Variants in TAP2 observed in about 807,000 individuals in gnomAD.
TAP2 encodes the protein antigen peptide transporter 2.
Under a neutral mutation model 74.7 loss-of-function variants are expected in TAP2, and 49 were observed. The observed-to-expected ratio is 0.66, with a 90% CI of 0.52 to 0.83. The LOEUF (loss-of-function observed/expected upper bound fraction) is 0.83, where lower values mean the gene tolerates loss of function less well. Among genes scored for constraint, TAP2 ranks in the 40% least tolerant of loss-of-function variants. TAP2 has a pLI of 0.00. For synonymous variants in TAP2, 306 were observed against 368.4 expected (o/e 0.83, Z 1.94); for missense variants, 739 against 859.0 (o/e 0.86, Z 1.75).
chr6:32,832,180 T>A lies in TAP2; in HGVS notation c.1272+153A>T. The A allele has an allele frequency of 9.8e-7, 1 of 1,023,540 alleles. No homozygotes were observed. The highest frequency in any genetic ancestry group is 1.4e-6 in the Non-Finnish European group (1 of 690,790). The allele number at this position is 1,023,540 out of a possible 1,614,324, so 63.4% of individuals were successfully genotyped here. On this transcript the variant is annotated intron_variant, in intron 7 of 11. Transcript: ENST00000374897. The surrounding 1 kb of genome is among the most constrained non-coding windows in gnomAD (Gnocchi z 5.9). ...GTTTGTAATATTATTTTGTCTCATT[T>A]TTGGCATATGTTTAAAATTCTCCAT...
At position 32,826,899 on chromosome 6, in the gene TAP2, T is replaced by C. The variant is rs2857101; in HGVS notation, c.*2007A>G. ...ATGTAGTTGGGAGATACAGGAATTA[T>C]TATTCCTGTTTTATGAATAAAGGAC... is the stretch of plus-strand genomic sequence containing the variant. On this transcript the variant is annotated 3_prime_UTR_variant, in exon 12 of 12. Transcript: ENST00000374897. 243,760 of 985,176 alleles carry C rather than the reference T, an allele frequency of 0.25. 31,362 individuals are homozygous for C. Among genetic ancestry groups the C allele is most frequent in the South Asian group, 0.4 (8,605 of 21,280 alleles). The allele number at this position is 985,176 out of a possible 1,614,324, so 61.0% of individuals were successfully genotyped here.
At chr6:32,831,614 G>C in intron 7 of TAP2, among the ~76,000 whole-genome samples, 1 of 152,206 alleles carries the variant, frequency 6.6e-6, no homozygotes, top group South Asian at 2.1e-4. Flanking sequence ...AGAGGCAGAA[G>C]AGCATATAAT....
chr6:32,832,528 G>A lies in TAP2; in HGVS notation c.1144-67C>T, dbSNP rs541410344. Reference sequence around the variant, plus strand: ...ATTCTTTCCCCCTCTCTGCCTCTATGAGACTGAGCTGCAAAGGCCTCTAGA... The same window carrying A: ...ATTCTTTCCCCCTCTCTGCCTCTATAAGACTGAGCTGCAAAGGCCTCTAGA... On this transcript the variant is annotated intron_variant, in intron 6 of 11. Coordinates refer to ENST00000374897, the MANE Select transcript of TAP2 (RefSeq NM_001290043.2). This position sits in a 1 kb window ranked among gnomAD's most constrained non-coding sequence, Gnocchi z 5.9. 27 of 1,611,412 alleles carry A rather than the reference G, an allele frequency of 1.7e-5. No individual in the cohort carries two copies. The Admixed American group carries it at 2.9e-4, about 17-fold the overall frequency.
downstream of TAP2, among the ~76,000 whole-genome samples, chr6:32,823,399 CATT>C (rs1768431242): frequency 7.0e-6 from 1 of 142,296 alleles, no homozygotes; most frequent in African/African-American, 2.7e-5. Flanking sequence ...TTATACTTTA[CATT>C]ATAAAGTGCC....
In TAP2 at chr6:32,838,707, C is replaced by T. The variant is rs1332982868; in HGVS notation, c.-59G>A. On this transcript the variant is annotated 5_prime_UTR_variant, in exon 1 of 12. Coordinates refer to ENST00000374897, the MANE Select transcript of TAP2 (RefSeq NM_001290043.2). Reference sequence around the variant, plus strand: ...GGACTTCTGCTTCAGCGCTGAGGTCCGCTCCGTCTCTCCCAACCTCGCTAC... The same window carrying T: ...GGACTTCTGCTTCAGCGCTGAGGTCTGCTCCGTCTCTCCCAACCTCGCTAC... 2 of 158,576 alleles carry T rather than the reference C, an allele frequency of 1.3e-5. No individual in the cohort carries two copies. The highest frequency in any genetic ancestry group is 4.0e-4 in the South Asian group (2 of 4,968). 9.8% of individuals were successfully genotyped at this position (158,576 alleles called of 1,614,324 possible).
Position 32,826,979 on chromosome 6 carries a change from T to A in TAP2, c.*1927A>T. 1.0e-6 allele frequency: 1 copy of A among 985,390 alleles called. No individual in the cohort carries two copies. Among genetic ancestry groups the A allele is most frequent in the Non-Finnish European group, 1.2e-6 (1 of 829,924 alleles). 61.0% of individuals were successfully genotyped at this position (985,390 alleles called of 1,614,324 possible). ...AGTTCTTTCTCTCCAAATGCCTATT[T>A]TACCCTCTGTGAAATTTGAGAGATG... On this transcript the variant is annotated 3_prime_UTR_variant, in exon 12 of 12. Transcript: ENST00000374897.
Position 32,835,388 on chromosome 6 carries a change from A to T in TAP2, c.740-29T>A. 6.2e-7 allele frequency: 1 copy of T among 1,611,904 alleles called. No homozygotes were observed. The stretch of plus-strand genomic sequence containing the variant: ...AGAAGGACAGAGCAGGTGAGGAAAA[A>T]GGAAACCATGTGTACTGCAGGGCCC... On this transcript the variant is annotated intron_variant, in intron 4 of 11. Transcript: ENST00000374897. The surrounding 1 kb of genome is among the most constrained non-coding windows in gnomAD (Gnocchi z 4.0).
rs73738924 is a variant in TAP2, at chr6:32,826,809, A to G, written c.*2097T>C. The stretch of plus-strand genomic sequence containing the variant: ...GCTTAAAGTATTATGATGCATGGGT[A>G]TAACTGTACTGAGGAAATCAAAGAA... On this transcript the variant is annotated 3_prime_UTR_variant, in exon 12 of 12. Coordinates refer to ENST00000374897, the MANE Select transcript of TAP2 (RefSeq NM_001290043.2). 10,188 of 985,412 alleles carry G rather than the reference A, an allele frequency of 0.01. 466 individuals are homozygous for G. The African/African-American group carries it at 0.13, about 12-fold the overall frequency. The allele number at this position is 985,412 out of a possible 1,614,324, so 61.0% of individuals were successfully genotyped here. A position where few individuals can be genotyped will look rare whatever the true frequency, so the allele number is the denominator to read the frequency against.
intron 8 of TAP2, 26 bp from the exon 9 acceptor site, chr6:32,830,466 G>A (rs241435): frequency 0.026 from 41,531 of 1,603,922 alleles, 653 homozygotes; most frequent in African/African-American, 0.031. Flanking sequence ...AAGAGTTAAG[G>A]GCCTGCCCCT....
rs919941656 is a variant in TAP2 at position 32,832,220 on chromosome 6, C to T, written c.1272+113G>A. The T allele has an allele frequency of 7.5e-6, 11 of 1,465,800 alleles. No individual in the cohort carries two copies. The highest frequency in any genetic ancestry group is 1.9e-4 in the Middle Eastern group (1 of 5,142). The allele number at this position is 1,465,800 out of a possible 1,614,324, so 90.8% of individuals were successfully genotyped here. ...AAATTCTCCATAGCAAAATTACTTG[C>T]GGGTTTTGGTTTTGTATTGTATTGT... On this transcript the variant is annotated intron_variant, in intron 7 of 11. Coordinates refer to ENST00000374897, the MANE Select transcript of TAP2 (RefSeq NM_001290043.2). This position sits in a 1 kb window ranked among gnomAD's most constrained non-coding sequence, Gnocchi z 5.9.
At position 32,829,944 on chromosome 6, in the gene TAP2, T is replaced by C. The variant is rs371245242; in HGVS notation, c.1781A>G (p.His594Arg). 22 of 1,613,012 alleles carry C rather than the reference T, an allele frequency of 1.4e-5. No individual in the cohort carries two copies. The South Asian group carries it at 1.8e-4, about 13-fold the overall frequency. ...HADDFIQEME[H>R]GIYTDVGEKG... ...GTAGAAGATACCTGTGTATATTCCA[T>C]GCTCCATTTCCTGGATGAAGTCATC... The change falls in exon 10 of 12, where the codon CAT becomes CGT. Residue 594 changes from histidine (H) to arginine (R), a missense_variant. His to Arg is a conservative substitution (Grantham distance 29). Transcript: ENST00000374897.
Position 32,828,808 on chromosome 6 carries a change from G to T in TAP2, c.*98C>A. 1 of 1,462,402 alleles carries T rather than the reference G, an allele frequency of 6.8e-7. No homozygotes were observed. 90.6% of individuals were successfully genotyped at this position (1,462,402 alleles called of 1,614,324 possible). A position where few individuals can be genotyped will look rare whatever the true frequency, so the allele number is the denominator to read the frequency against. On this transcript the variant is annotated 3_prime_UTR_variant, in exon 12 of 12. Transcript: ENST00000374897. The stretch of plus-strand genomic sequence containing the variant: ...GGAAACTCAAAGCAGGAACAGCTCT[G>T]GGTCCTGGAGACGCCCCTGAGAAGA...
At chr6:32,822,155 A>G, downstream of TAP2, 2 of 731,078 alleles carry the variant, frequency 2.7e-6, no homozygotes, top group South Asian at 3.3e-5. Context: ...ATTGTTTTAC[A>G]TGTACTATTT....
At chr6:32,824,563 T>G (rs189701134), downstream of TAP2, among the ~76,000 whole-genome samples, 2 of 152,274 alleles carry the variant, frequency 1.3e-5, no homozygotes, top group Admixed American at 1.3e-4. Context: ...TTACAATATA[T>G]GGTGCTCTGT....
In TAP2 at chr6:32,828,675, G is replaced by GCCTCCACCCCCCCCCCCCCCCCCC; in HGVS notation, c.*230_*231insGGGGGGGGGGGGGGGGGGTGGAGG. 3.4e-6 allele frequency: 3 copies of GCCTCCACCCCCCCCCCCCCCCCCC among 884,274 alleles called. No homozygotes were observed. Among genetic ancestry groups the GCCTCCACCCCCCCCCCCCCCCCCC allele is most frequent in the Non-Finnish European group, 4.1e-6 (3 of 735,234 alleles). 54.8% of individuals were successfully genotyped at this position (884,274 alleles called of 1,614,324 possible). A position where few individuals can be genotyped will look rare whatever the true frequency, so the allele number is the denominator to read the frequency against. On this transcript the variant is annotated 3_prime_UTR_variant, in exon 12 of 12. Coordinates refer to ENST00000374897, the MANE Select transcript of TAP2 (RefSeq NM_001290043.2). Reference sequence around the variant, plus strand: ...GAATTAAGTTTCCTGGACACAGACAGCCCCCACCCCACCCCACCCCACCTC... The same window carrying GCCTCCACCCCCCCCCCCCCCCCCC: ...GAATTAAGTTTCCTGGACACAGACAGCCTCCACCCCCCCCCCCCCCCCCCCCCCCACCCCACCCCACCCCACCTC...
chr6:32,830,829 C>T, intron 7 of TAP2, 23 bp from the exon 8 acceptor site: 1 of 1,590,898 alleles, frequency 6.3e-7, no homozygotes. Context: ...AATGGGAGAG[C>T]CGGCTAATTA....
rs10484565 is a variant in TAP2 at position 32,827,255 on chromosome 6, G to A, written c.*1651C>T. The A allele has an allele frequency of 0.071, 70,411 of 985,320 alleles. 2,735 individuals are homozygous for A. The highest frequency in any genetic ancestry group is 0.081 in the East Asian group (718 of 8,822). The allele number at this position is 985,320 out of a possible 1,614,324, so 61.0% of individuals were successfully genotyped here. On this transcript the variant is annotated 3_prime_UTR_variant, in exon 12 of 12. Transcript: ENST00000374897. ...TAAGTCCCTCCCAACAACCAGTGAT[G>A]TGTACAATGTTGCATTTTCAGTGGT...
chr6:32,830,048 A>G lies in TAP2; in HGVS notation c.1677T>C (p.Ser559=). Residue 559 remains serine (S), a synonymous_variant, in exon 10 of 12, where the codon TCT becomes TCC. Coordinates refer to ENST00000374897, the MANE Select transcript of TAP2 (RefSeq NM_001290043.2). ...GCCCATAAGCAATGTTGTTCCTCAC[A>G]GAACCGGAGAACAGCACAGGCTCCT... ...VGQEPVLFSG[S]VRNNIAYGLQ... 1 of 1,613,118 alleles carries G rather than the reference A, an allele frequency of 6.2e-7. No individual in the cohort carries two copies. The highest frequency in any genetic ancestry group is 8.5e-7 in the Non-Finnish European group (1 of 1,180,030).
rs1268756198 is a variant in TAP2, at chr6:32,832,339, A to G, written c.1266T>C (p.Tyr422=). 1.9e-6 allele frequency: 3 copies of G among 1,613,036 alleles called. No individual in the cohort carries two copies. Among genetic ancestry groups the G allele is most frequent in the South Asian group, 1.1e-5 (1 of 91,072 alleles). ...FMIYQESVGS[Y]VQTLVYIYGD... ...GGCTTGGCTTCTCGCTCACCTGCACATAGCTCCCCACGCTCTCCTGGTAGA... is the reference window on the plus strand; with the variant it reads ...GGCTTGGCTTCTCGCTCACCTGCACGTAGCTCCCCACGCTCTCCTGGTAGA... Residue 422 remains tyrosine (Y), a synonymous_variant, in exon 7 of 12, where the codon TAT becomes TAC. Transcript: ENST00000374897. This position sits in a 1 kb window ranked among gnomAD's most constrained non-coding sequence, Gnocchi z 5.9.
Sources: allele counts gnomAD v4.1 joint callset (sites outside exome capture counted in the v4.1 genomes callset), GRCh38; gene constraint gnomAD v4.1.1; non-coding constraint Gnocchi (gnomAD v3.1); transcripts MANE v1.5; gene names NCBI Gene and HGNC (gene_info 2026-07-23, HGNC 2026-07-21).